ITPR1: variants seen among roughly 807,000 people sequenced by gnomAD.
The protein encoded by ITPR1 is inositol 1,4,5-trisphosphate-gated calcium channel ITPR1.
In ITPR1, 96 loss-of-function variants were observed where a neutral mutation model predicts 318.4. That is an observed-to-expected ratio of 0.30 (90% CI 0.26 to 0.36). ITPR1 has a LOEUF of 0.36. Among genes scored for constraint, ITPR1 ranks in the 10% least tolerant of loss-of-function variants. The pLI is 1.00. For missense variants in ITPR1, 2,440 were observed against 3,460.2 expected (o/e 0.71, Z 7.40); for synonymous variants, 1,312 against 1,289.9 (o/e 1.02, Z -0.37).
At chr3:4,707,025 AGGCCAGTGCCTG>A (rs1360764422) in intron 37 of ITPR1, among the ~76,000 whole-genome samples, 1 of 151,988 alleles carries the variant, frequency 6.6e-6, no homozygotes, top group Non-Finnish European at 1.5e-5. Flanking sequence ...GTGTAGTCTC[AGGCCAGTGCCTG>A]GGTTAAATTT....
chr3:4,770,957 C>T (rs945269636), intron 46 of ITPR1, among the ~76,000 whole-genome samples: 3 of 152,104 alleles, frequency 2.0e-5, no homozygotes, highest in African/African-American at 4.8e-5. Context: ...AGATGCTGAG[C>T]GGCTGAGCTT....
intron 55 of ITPR1, among the ~76,000 whole-genome samples, chr3:4,810,880 G>C (rs1036277381): frequency 6.6e-6 from 1 of 152,210 alleles, no homozygotes; most frequent in African/African-American, 2.4e-5. Context: ...GGAGGGCAGG[G>C]ACCAGGGTGG....
intron 50 of ITPR1, 150 bp downstream of exon 50, chr3:4,782,891 C>A: frequency 1.6e-6 from 1 of 613,026 alleles, no homozygotes; most frequent in Non-Finnish European, 2.5e-6. Flanking sequence ...GTGCTCGTGG[C>A]AACCTGACCC....
chr3:4,518,920 T>C (rs2082353276), intron 3 of ITPR1, among the ~76,000 whole-genome samples: 1 of 152,184 alleles, frequency 6.6e-6, no homozygotes, highest in Admixed American at 6.5e-5. Context: ...CCTGTCTCTT[T>C]ATAAAAACAA....
At chr3:4,817,105 A>G (rs1386943) in intron 59 of ITPR1, among the ~76,000 whole-genome samples, 150,543 of 152,308 alleles carry the variant, frequency 0.99, 74,415 homozygotes, top group Middle Eastern at 1. Context: ...TCATGTCATC[A>G]TCGTTTTCTA....
intron 2 of ITPR1, among the ~76,000 whole-genome samples, chr3:4,510,210 G>T (rs1330437080): frequency 6.6e-6 from 1 of 152,176 alleles, no homozygotes; most frequent in Non-Finnish European, 1.5e-5. Flanking sequence ...AGGGAACAGA[G>T]CATGGTGGGG....
intron 45 of ITPR1, among the ~76,000 whole-genome samples, chr3:4,767,575 G>A (rs1575176092): frequency 1.3e-5 from 2 of 152,254 alleles, no homozygotes; most frequent in South Asian, 2.1e-4. Flanking sequence ...TTAGAGTGCA[G>A]TGGCACGATC....
chr3:4,677,924 AC>A (rs36125675), intron 24 of ITPR1, among the ~76,000 whole-genome samples: 61,059 of 151,456 alleles, frequency 0.4, 12,791 homozygotes, highest in Non-Finnish European at 0.46. Context: ...ACAGCTTTGA[AC>A]CCCACCCGAC....
At chr3:4,593,702 C>T (rs1559503664) in intron 4 of ITPR1, among the ~76,000 whole-genome samples, 1 of 152,158 alleles carries the variant, frequency 6.6e-6, no homozygotes. Context: ...TGTTATAGTT[C>T]ACTTATAAGA....
intron 4 of ITPR1, among the ~76,000 whole-genome samples, chr3:4,581,841 CA>C (rs1325341358): frequency 3.9e-5 from 6 of 152,252 alleles, no homozygotes; most frequent in African/African-American, 1.4e-4. Flanking sequence ...TCATCTTGCC[CA>C]CACAAACTGT....
intron 3 of ITPR1, among the ~76,000 whole-genome samples, chr3:4,517,924 G>A (rs1353454691): frequency 6.6e-6 from 1 of 152,212 alleles, no homozygotes; most frequent in Non-Finnish European, 1.5e-5. Context: ...CTGTGTGCTA[G>A]GCACTATGCT....
intron 54 of ITPR1, among the ~76,000 whole-genome samples, chr3:4,804,810 C>T (rs2048456194): frequency 6.6e-6 from 1 of 152,198 alleles, no homozygotes; most frequent in South Asian, 2.1e-4. Flanking sequence ...CAGCAGCGAT[C>T]TGTGGGTGTC....
intron 16 of ITPR1, among the ~76,000 whole-genome samples, chr3:4,664,231 G>A (rs1575984084): frequency 6.6e-6 from 1 of 152,210 alleles, no homozygotes; most frequent in Non-Finnish European, 1.5e-5. Context: ...AGAATGAGTA[G>A]TGGTTGACAG....
intron 13 of ITPR1, among the ~76,000 whole-genome samples, chr3:4,660,100 G>T (rs2093800345): frequency 6.6e-6 from 1 of 152,072 alleles, no homozygotes; most frequent in African/African-American, 2.4e-5. Flanking sequence ...GCTTGATTAC[G>T]CTCTCACCAA....
intron 46 of ITPR1, among the ~76,000 whole-genome samples, chr3:4,773,093 G>A (rs1051075260): frequency 2.0e-5 from 3 of 152,228 alleles, no homozygotes; most frequent in Admixed American, 6.5e-5. Flanking sequence ...GAGTTGATCG[G>A]TCCCTCTGTA....
intron 4 of ITPR1, among the ~76,000 whole-genome samples, chr3:4,617,085 T>C (rs1230245585): frequency 6.6e-6 from 1 of 152,050 alleles, no homozygotes; most frequent in Non-Finnish European, 1.5e-5. Context: ...TTACATGTTA[T>C]AGGTTATACA....
chr3:4,658,052 A>G (rs1181560992), intron 12 of ITPR1, 72 bp from the exon 13 acceptor site: 1 of 1,399,856 alleles, frequency 7.1e-7, no homozygotes, highest in East Asian at 2.3e-5. Context: ...GTTCCTGTGG[A>G]TTGTGGAATA....
intron 26 of ITPR1, among the ~76,000 whole-genome samples, 179 bp from the exon 27 acceptor site, chr3:4,683,207 A>G (rs1382768223): frequency 6.6e-6 from 1 of 152,186 alleles, no homozygotes; most frequent in Admixed American, 6.5e-5. Context: ...CCCTCACCTC[A>G]TAATATAGTT....
At chr3:4,611,242 AC>A (rs1262832405) in intron 4 of ITPR1, among the ~76,000 whole-genome samples, 4,690 of 141,780 alleles carry the variant, frequency 0.033, 395 homozygotes, top group African/African-American at 0.089. Flanking sequence ...AAAAAAAAAA[AC>A]AAAAAAAAAA....
Sources: gnomAD v4.1 joint callset for allele counts (sites outside exome capture counted in the v4.1 genomes callset) on GRCh38, gnomAD v4.1.1 for gene constraint, MANE v1.5 for transcripts, NCBI Gene and HGNC (gene_info 2026-07-23, HGNC 2026-07-21) for gene names.